CHKA: variants seen among roughly 807,000 people sequenced by gnomAD.
CHKA encodes the protein CHETK-alpha.
A neutral mutation model predicts 60.1 loss-of-function variants in CHKA; 34 were observed. That is an observed-to-expected ratio of 0.57 (90% CI 0.43 to 0.75). The LOEUF (loss-of-function observed/expected upper bound fraction) is 0.75, where lower values mean the gene tolerates loss of function less well. Ranked by LOEUF, CHKA falls within the 30% of genes least tolerant of loss-of-function variation. The pLI, the probability that CHKA is intolerant of heterozygous loss-of-function variation, is 0.00. For synonymous variants in CHKA, 217 were observed against 223.1 expected, an observed-to-expected ratio of 0.97 and a Z score of 0.24; for missense variants, 563 against 561.3, an observed-to-expected ratio of 1.00 and a Z score of -0.03.
intron 11 of CHKA, among the ~76,000 whole-genome samples, chr11:68,055,580 G>A (rs747023896): frequency 2.6e-5 from 4 of 152,198 alleles, no homozygotes; most frequent in Admixed American, 6.5e-5. Flanking sequence ...CCATGTGCTC[G>A]CCATTTGGGA....
At chr11:68,103,181 A>T (rs1275467739) in intron 1 of CHKA, among the ~76,000 whole-genome samples, 1 of 152,138 alleles carries the variant, frequency 6.6e-6, no homozygotes, top group East Asian at 1.9e-4. Context: ...ATTTATCAAA[A>T]GATGACAAAT....
At chr11:68,062,906 T>C (rs1291248396) in intron 10 of CHKA, among the ~76,000 whole-genome samples, 1 of 152,104 alleles carries the variant, frequency 6.6e-6, no homozygotes, top group Non-Finnish European at 1.5e-5. Context: ...GAGATGACTG[T>C]GCTAAGTGCG....
chr11:68,053,925 G>A lies in CHKA; in HGVS notation c.*63C>T, dbSNP rs1855896103. The A allele has an allele frequency of 3.4e-6, 5 of 1,462,714 alleles. No homozygotes were observed. The highest frequency in any genetic ancestry group is 1.4e-5 in the African/African-American group (1 of 71,902). 90.6% of individuals were successfully genotyped at this position (1,462,714 alleles called of 1,614,324 possible). On this transcript the variant is annotated 3_prime_UTR_variant, in exon 12 of 12. Coordinates refer to ENST00000265689, the MANE Select transcript of CHKA (RefSeq NM_001277.3). ...AGGAGCAGTAGTCGAAGCACAGAGG[G>A]GACCCCGCTCTGCTGCCTCCCCATG...
At chr11:68,054,617 T>C (rs1280358203) in intron 11 of CHKA, among the ~76,000 whole-genome samples, 1 of 152,150 alleles carries the variant, frequency 6.6e-6, no homozygotes, top group Non-Finnish European at 1.5e-5. Context: ...AAAGACCCAC[T>C]CCTAATCTAA....
intron 11 of CHKA, among the ~76,000 whole-genome samples, chr11:68,055,597 GTTC>G (rs1426304738): frequency 6.6e-6 from 1 of 152,206 alleles, no homozygotes; most frequent in Non-Finnish European, 1.5e-5. Context: ...GGGACCGTCA[GTTC>G]TTTCAAGTTT....
chr11:68,121,325 GGCT>G lies in CHKA; in HGVS notation c.-151_-149del. ...GTTGGGCGCGCGGGGCGGCGGCGGC[GGCT>G]GCGGCGACTGCGGCGACTGTGGAGC... On this transcript the variant is annotated 5_prime_UTR_variant, in exon 1 of 12. Transcript: ENST00000265689. 4 of 439,250 alleles carry G rather than the reference GGCT, an allele frequency of 9.1e-6. No individual in the cohort carries two copies. The highest frequency in any genetic ancestry group is 9.1e-6 in the Non-Finnish European group (3 of 329,064). 27.2% of individuals were successfully genotyped at this position (439,250 alleles called of 1,614,324 possible). A position where few individuals can be genotyped will look rare whatever the true frequency, so the allele number is the denominator to read the frequency against.
chr11:68,062,509 C>T (rs1856287232), intron 10 of CHKA, among the ~76,000 whole-genome samples: 1 of 152,174 alleles, frequency 6.6e-6, no homozygotes, highest in Admixed American at 6.5e-5. Context: ...TGTCCCATCC[C>T]CTCCTGTCAC....
At chr11:68,056,413 G>A (rs1211311268) in intron 11 of CHKA, among the ~76,000 whole-genome samples, 3 of 152,182 alleles carry the variant, frequency 2.0e-5, no homozygotes, top group African/African-American at 7.2e-5. Flanking sequence ...CATACCCTGG[G>A]ATAAGGAATG....
intron 2 of CHKA, among the ~76,000 whole-genome samples, chr11:68,093,582 G>T (rs4073551): frequency 0.57 from 86,008 of 151,984 alleles, 24,472 homozygotes; most frequent in Middle Eastern, 0.7. Flanking sequence ...TCGGGACATA[G>T]AATTCTGTTC....
chr11:68,073,589 A>G (rs774871457), intron 4 of CHKA, among the ~76,000 whole-genome samples: 23 of 152,330 alleles, frequency 1.5e-4, no homozygotes, highest in Middle Eastern at 3.4e-3. Flanking sequence ...ACTGGCAGCT[A>G]GCACAACACT....
intron 11 of CHKA, among the ~76,000 whole-genome samples, chr11:68,056,441 A>G (rs904158309): frequency 3.9e-5 from 6 of 152,222 alleles, no homozygotes; most frequent in African/African-American, 1.4e-4. Context: ...GAGAAGCCCG[A>G]AGAACCTGGT....
At chr11:68,056,182 T>G (rs558696932) in intron 11 of CHKA, among the ~76,000 whole-genome samples, 1 of 152,254 alleles carries the variant, frequency 6.6e-6, no homozygotes, top group Non-Finnish European at 1.5e-5. Flanking sequence ...CTTTTCATTT[T>G]CTCCATGATA....
rs191643946 is a variant in CHKA at position 68,054,068 on chromosome 11, G to A, written c.1315-21C>T. On this transcript the variant is annotated intron_variant, in intron 11 of 11. Coordinates refer to ENST00000265689, the MANE Select transcript of CHKA (RefSeq NM_001277.3). Reference sequence around the variant, plus strand: ...TAGTCCTAGGAGACAGCAAAGAGAAGGCCTCAGCAAGGAATCCTGCTGGCC... The same window carrying A: ...TAGTCCTAGGAGACAGCAAAGAGAAAGCCTCAGCAAGGAATCCTGCTGGCC... 150 of 1,607,414 alleles carry A rather than the reference G, an allele frequency of 9.3e-5. No homozygotes were observed. The African/African-American group carries it at 1.6e-3, about 18-fold the overall frequency.
chr11:68,059,084 G>A (rs565812287), intron 11 of CHKA, among the ~76,000 whole-genome samples: 10 of 152,200 alleles, frequency 6.6e-5, no homozygotes, highest in African/African-American at 2.2e-4. Context: ...TAGTAGAGAC[G>A]GGGTTTCTCC....
chr11:68,108,617 G>A (rs899413367), intron 1 of CHKA, among the ~76,000 whole-genome samples: 4 of 152,052 alleles, frequency 2.6e-5, no homozygotes, highest in Non-Finnish European at 4.4e-5. Flanking sequence ...GGTGGCGGGC[G>A]CCTGTAGTCC....
intron 10 of CHKA, among the ~76,000 whole-genome samples, chr11:68,063,845 A>G (rs1856339953): frequency 6.6e-6 from 1 of 152,188 alleles, no homozygotes; most frequent in South Asian, 2.1e-4. Context: ...GGCGCCATGT[A>G]AGATGTGCCT....
chr11:68,115,200 A>G (rs1304196969), intron 1 of CHKA, among the ~76,000 whole-genome samples: 1 of 152,224 alleles, frequency 6.6e-6, no homozygotes, highest in Non-Finnish European at 1.5e-5. Flanking sequence ...AGGCTAGGCT[A>G]AGATATGCTG....
chr11:68,098,605 T>A (rs1857592036), intron 1 of CHKA, among the ~76,000 whole-genome samples: 1 of 152,188 alleles, frequency 6.6e-6, no homozygotes, highest in Admixed American at 6.6e-5. Flanking sequence ...ACAATGAATG[T>A]ACTTAATGCC....
At chr11:68,080,233 G>C (rs1381019400) in intron 3 of CHKA, among the ~76,000 whole-genome samples, 3 of 152,160 alleles carry the variant, frequency 2.0e-5, no homozygotes, top group Non-Finnish European at 4.4e-5. Flanking sequence ...AGATCCTCTA[G>C]CAGGGCACCC....
Sources: allele counts gnomAD v4.1 joint callset (sites outside exome capture counted in the v4.1 genomes callset), GRCh38; gene constraint gnomAD v4.1.1; transcripts MANE v1.5; gene names NCBI Gene and HGNC (gene_info 2026-07-23, HGNC 2026-07-21).